GYG2: variants seen among roughly 807,000 people sequenced by gnomAD.
GYG2 encodes glycogenin-2.
A neutral mutation model predicts 29.4 loss-of-function variants in GYG2; 29 were observed. The ratio of observed to expected loss-of-function variants is 0.99; its 90% confidence interval spans 0.74 to 1.35. The LOEUF (loss-of-function observed/expected upper bound fraction) is 1.35, where lower values mean the gene tolerates loss of function less well. GYG2 is among the 40% of genes most tolerant of loss of function. The probability of loss-of-function intolerance (pLI) is 0.00; values close to 1 mark genes in which losing one functional copy is unlikely to be tolerated. For missense variants in GYG2, 370 were observed against 385.7 expected (o/e 0.96, Z 0.34); for synonymous variants, 167 against 172.3 (o/e 0.97, Z 0.24).
chrX:2,860,185 GA>G, intron 7 of GYG2, 120 bp downstream of exon 7: 2 of 456,835 alleles, frequency 4.4e-6, no homozygotes, highest in Middle Eastern at 6.1e-4. Context: ...GTATTTCATG[GA>G]AAAGAATACT....
chrX:2,840,740 A>G (rs2147142467), intron 2 of GYG2, among the ~76,000 whole-genome samples: 1 of 110,611 alleles, frequency 9.0e-6, no homozygotes, highest in Non-Finnish European at 1.9e-5. Flanking sequence ...GATGATGGAG[A>G]TAGATGGATG....
chrX:2,856,004 C>T (rs992922475), intron 5 of GYG2, among the ~76,000 whole-genome samples: 8 of 111,482 alleles, frequency 7.2e-5, no homozygotes, highest in African/African-American at 2.3e-4. Flanking sequence ...TTGCTTGACC[C>T]ATGGTAGAAT....
Position 2,860,026 on chromosome X carries a change from C to A in GYG2, c.798C>A (p.Ser266Arg). ...YQNNVLPLYK[S>R]VQAGEARASP... is the part of the protein sequence containing the mutation. ...ACAACGTGCTGCCCCTTTATAAAAG[C>A]GTCCAAGCGGGGGAAGCACGCGCGT... The change falls in exon 7 of 11, where the codon AGC becomes AGA. Residue 266 changes from serine (S) to arginine (R), a missense_variant. By Grantham distance (110) the Ser-to-Arg change is moderately radical (BLOSUM62 -1). Transcript: ENST00000398806. 8.3e-7 allele frequency: 1 copy of A among 1,199,037 alleles called. No homozygotes were observed. The highest frequency in any genetic ancestry group is 2.2e-5 in the Admixed American group (1 of 45,065).
chrX:2,830,284 G>C, intron 2 of GYG2, 89 bp downstream of exon 2: 1 of 862,100 alleles, frequency 1.2e-6, no homozygotes, highest in South Asian at 2.1e-5. Flanking sequence ...ACCCCACTTT[G>C]ACCGCAGGAT....
At chrX:2,870,288 G>A (rs961740091) in intron 8 of GYG2, among the ~76,000 whole-genome samples, 9 of 110,143 alleles carry the variant, frequency 8.2e-5, no homozygotes, top group Non-Finnish European at 1.5e-4. Flanking sequence ...TGAAGCCTCC[G>A]CCTCCTGGGT....
chrX:2,876,041 T>C (rs1182312443), intron 9 of GYG2, 127 bp downstream of exon 9: 1 of 112,151 alleles, frequency 8.9e-6, no homozygotes, highest in Non-Finnish European at 1.8e-5. Context: ...CCCTTTTTTT[T>C]TTTTTTTTTT....
At chrX:2,841,207 G>T (rs759461259) in intron 2 of GYG2, among the ~76,000 whole-genome samples, 1 of 110,103 alleles carries the variant, frequency 9.1e-6, no homozygotes, top group East Asian at 2.9e-4. Context: ...CAGATAGATG[G>T]ATAGATGGAT....
At chrX:2,873,496 C>T (rs1297784422) in intron 8 of GYG2, among the ~76,000 whole-genome samples, 1 of 110,828 alleles carries the variant, frequency 9.0e-6, no homozygotes. Flanking sequence ...TTCATCACCT[C>T]GCATAAATGC....
intron 8 of GYG2, among the ~76,000 whole-genome samples, chrX:2,867,630 C>T (rs1469391091): frequency 1.8e-5 from 2 of 110,663 alleles, no homozygotes; most frequent in Admixed American, 1.9e-4. Flanking sequence ...TAGACGACTG[C>T]GAGACATGCT....
intron 8 of GYG2, among the ~76,000 whole-genome samples, chrX:2,875,283 G>T (rs764545674): frequency 9.0e-6 from 1 of 111,034 alleles, no homozygotes; most frequent in African/African-American, 3.3e-5. Context: ...GCCACTGTAC[G>T]TAATGCATTA....
At chrX:2,857,718 CT>C (rs2088054199) in intron 6 of GYG2, among the ~76,000 whole-genome samples, 1 of 110,966 alleles carries the variant, frequency 9.0e-6, no homozygotes, top group African/African-American at 3.3e-5. Context: ...ATCTCGTTTC[CT>C]GCTTGCTTGT....
At chrX:2,851,987 G>A (rs2087882256) in intron 3 of GYG2, among the ~76,000 whole-genome samples, 1 of 112,070 alleles carries the variant, frequency 8.9e-6, no homozygotes, top group Non-Finnish European at 1.9e-5. Context: ...AGGCGTGGTG[G>A]CTCATGCCTG....
chrX:2,875,348 T>C (rs1329636666), intron 8 of GYG2, among the ~76,000 whole-genome samples: 1 of 111,122 alleles, frequency 9.0e-6, no homozygotes, highest in Non-Finnish European at 1.9e-5. Context: ...CTTGGGAGAG[T>C]TGAGAAAAGA....
chrX:2,863,483 T>G lies in GYG2; in HGVS notation c.1038+1761T>G, dbSNP rs188937207. Among the ~76,000 whole-genome samples, 565 of 112,317 alleles carry G rather than the reference T, an allele frequency of 5.0e-3. 4 individuals are homozygous for G. Among genetic ancestry groups the G allele is most frequent in the South Asian group, 0.014 (39 of 2,702 alleles). On this transcript the variant is annotated intron_variant, in intron 8 of 10. Transcript: ENST00000398806. ...GGGGACTGGGCTGAAGGAAAGTGAT[T>G]CTTTTCTGTATACTTCAGATAGCTC... is the stretch of plus-strand genomic sequence containing the variant.
intron 3 of GYG2, among the ~76,000 whole-genome samples, chrX:2,848,911 T>C (rs1368016089): frequency 9.0e-6 from 1 of 110,498 alleles, no homozygotes; most frequent in African/African-American, 3.3e-5. Flanking sequence ...TGTTTCGTAG[T>C]CATGGGGAGA....
chrX:2,860,047 C>G lies in GYG2; in HGVS notation c.819C>G (p.Arg273=), dbSNP rs138758732. ...AAAGCGTCCAAGCGGGGGAAGCACG[C>G]GCGTCTCCTGGTCACACAGTAAGTG... ...LYKSVQAGEA[R]ASPGHTLCHS... Residue 273 remains arginine, a synonymous_variant, in exon 7 of 11, where the codon CGC becomes CGG. Transcript: ENST00000398806. 6 of 1,173,983 alleles carry G rather than the reference C, an allele frequency of 5.1e-6. No individual in the cohort carries two copies. In the South Asian group the frequency reaches 1.1e-4, roughly 22 times the overall value.
intron 8 of GYG2, among the ~76,000 whole-genome samples, chrX:2,868,289 C>T (rs773602672): frequency 8.3e-5 from 9 of 107,971 alleles, no homozygotes; most frequent in Admixed American, 2.0e-4. Context: ...AGGCAGTTCA[C>T]TTGAGCTCAG....
At chrX:2,854,740 C>G (rs975460288) in intron 4 of GYG2, among the ~76,000 whole-genome samples, 1 of 111,415 alleles carries the variant, frequency 9.0e-6, no homozygotes, top group African/African-American at 3.3e-5. Context: ...TTGAGACCAG[C>G]CTGGCCAACA....
intron 8 of GYG2, among the ~76,000 whole-genome samples, chrX:2,870,648 G>T (rs150268256): frequency 4.2e-3 from 469 of 112,243 alleles, no homozygotes; most frequent in African/African-American, 0.014. Context: ...CTAATCTGTT[G>T]TTAAACCCAC....
Sources: allele counts gnomAD v4.1 joint callset (sites outside exome capture counted in the v4.1 genomes callset), GRCh38; gene constraint gnomAD v4.1.1; transcripts MANE v1.5; gene names NCBI Gene and HGNC (gene_info 2026-07-23, HGNC 2026-07-21).